Variants in SNAPC3 observed in about 807,000 individuals in gnomAD.
SNAPC3 encodes the protein snRNA-activating protein complex subunit 3.
In SNAPC3, 56 loss-of-function variants were observed where a neutral mutation model predicts 47.7. That is an observed-to-expected ratio of 1.18 (90% CI 0.95 to 1.47). The LOEUF is 1.47. Ranked by LOEUF, SNAPC3 falls within the 40% of genes most tolerant of loss-of-function variation. The probability of loss-of-function intolerance (pLI) is 0.00; values close to 1 mark genes in which losing one functional copy is unlikely to be tolerated. For missense variants in SNAPC3, 665 were observed against 511.3 expected (o/e 1.30, Z -2.90); for synonymous variants, 235 against 189.9 (o/e 1.24, Z -1.95).
intron 5 of SNAPC3, among the ~76,000 whole-genome samples, chr9:15,449,549 ATATATATATATATATTTT>A (rs1464280652): frequency 0.019 from 674 of 35,898 alleles, 5 homozygotes; most frequent in African/African-American, 0.07. Context: ...ATATATATAT[ATATATATATATATATTTT>A]TTTTTTTTTT....
At position 15,453,188 on chromosome 9, in the gene SNAPC3, T is replaced by C. The variant is rs1266746790; in HGVS notation, c.963T>C (p.Ile321=). The C allele has an allele frequency of 3.7e-6, 6 of 1,612,482 alleles. No homozygotes were observed. Among genetic ancestry groups the C allele is most frequent in the Non-Finnish European group, 5.1e-6 (6 of 1,179,198 alleles). The change falls in exon 7 of 9, where the codon ATT becomes ATC. Residue 321 remains isoleucine, a synonymous_variant. Coordinates refer to ENST00000380821, the MANE Select transcript of SNAPC3 (RefSeq NM_001039697.2). ...YCHQGDCEHV[I]VITDIRLVHH... The stretch of plus-strand genomic sequence containing the variant: ...ATCAGGGAGACTGTGAACATGTCAT[T>C]GTCATTACTGACATAAGGTAGGTGA...
chr9:15,430,978 C>T (rs1017355495), intron 2 of SNAPC3, among the ~76,000 whole-genome samples: 15 of 152,164 alleles, frequency 9.9e-5, no homozygotes, highest in African/African-American at 3.6e-4. Context: ...CTTTTAAATA[C>T]TTTTCTTTTG....
intron 5 of SNAPC3, among the ~76,000 whole-genome samples, chr9:15,450,924 A>G (rs1301459813): frequency 1.3e-5 from 2 of 152,368 alleles, no homozygotes; most frequent in South Asian, 2.1e-4. Context: ...TACTGAAAAT[A>G]TAAAGAGAGA....
intron 2 of SNAPC3, 29 bp downstream of exon 2, chr9:15,424,015 T>G (rs759285862): frequency 5.4e-6 from 7 of 1,290,304 alleles, no homozygotes; most frequent in Non-Finnish European, 7.6e-6. Flanking sequence ...TTATGACCTA[T>G]TTATTTAAAC....
At chr9:15,453,309 A>G (rs2034536737) in intron 7 of SNAPC3, 104 bp downstream of exon 7, 2 of 862,098 alleles carry the variant, frequency 2.3e-6, no homozygotes, top group Non-Finnish European at 3.5e-6. Context: ...AAAAGTAATA[A>G]CCATTGCAAC....
rs183265383 is a variant in SNAPC3 at position 15,460,782 on chromosome 9, A to G, written c.*916A>G. The G allele has an allele frequency of 6.6e-6, 1 of 152,376 alleles. No individual in the cohort carries two copies. The highest frequency in any genetic ancestry group is 1.9e-4 in the East Asian group (1 of 5,192). 9.4% of individuals were successfully genotyped at this position (152,376 alleles called of 1,614,324 possible). A position where few individuals can be genotyped will look rare whatever the true frequency, so the allele number is the denominator to read the frequency against. ...GCATACAAGACATGTTAATAAGACT[A>G]TGTGAATAATGAATTTAAAAAGATC... On this transcript the variant is annotated 3_prime_UTR_variant, in exon 9 of 9. Coordinates refer to ENST00000380821, the MANE Select transcript of SNAPC3 (RefSeq NM_001039697.2).
At chr9:15,459,478 T>G (rs1205950007) in intron 8 of SNAPC3, among the ~76,000 whole-genome samples, 1 of 152,212 alleles carries the variant, frequency 6.6e-6, no homozygotes, top group Non-Finnish European at 1.5e-5. Flanking sequence ...TAAGGGTAAG[T>G]ATTACAGAGA....
At chr9:15,452,848 A>G (rs939662074) in intron 6 of SNAPC3, among the ~76,000 whole-genome samples, 193 bp from the exon 7 acceptor site, 1 of 152,190 alleles carries the variant, frequency 6.6e-6, no homozygotes, top group Non-Finnish European at 1.5e-5. Flanking sequence ...CCTGCAGAAA[A>G]CTGATCCCTT....
In SNAPC3 at chr9:15,423,086, C is replaced by T; in HGVS notation, c.207C>T (p.Ser69=). The change falls in exon 1 of 9, where the codon TCC becomes TCT. Residue 69 remains serine (S), a synonymous_variant. Coordinates refer to ENST00000380821, the MANE Select transcript of SNAPC3 (RefSeq NM_001039697.2). ...GDLSLREPPA[S]ALPGSQAADS... is the part of the protein sequence containing the mutation. Reference sequence around the variant, plus strand: ...TGTCGCTGAGGGAGCCGCCGGCATCCGCTCTGCCTGGGAGCCAGGCAGCTG... The same window carrying T: ...TGTCGCTGAGGGAGCCGCCGGCATCTGCTCTGCCTGGGAGCCAGGCAGCTG... The T allele has an allele frequency of 6.5e-7, 1 of 1,528,098 alleles. No homozygotes were observed. 94.7% of individuals were successfully genotyped at this position (1,528,098 alleles called of 1,614,324 possible).
At chr9:15,463,723 G>A (rs2035405532), downstream of SNAPC3, 1 of 152,114 alleles carries the variant, frequency 6.6e-6, no homozygotes, top group Admixed American at 6.6e-5. Context: ...TAAAGAAACA[G>A]CAATTATGCT....
At chr9:15,437,377 C>T (rs546680379) in intron 3 of SNAPC3, among the ~76,000 whole-genome samples, 2 of 152,000 alleles carry the variant, frequency 1.3e-5, no homozygotes, top group African/African-American at 2.4e-5. Flanking sequence ...GGACTACAGG[C>T]GCCCATCACA....
chr9:15,434,208 C>T (rs1385522782), intron 3 of SNAPC3, among the ~76,000 whole-genome samples: 4 of 152,140 alleles, frequency 2.6e-5, no homozygotes, highest in Non-Finnish European at 5.9e-5. Flanking sequence ...GCAATAAGTA[C>T]ATTCACAATG....
chr9:15,439,656 TC>T (rs1347289450), intron 3 of SNAPC3, among the ~76,000 whole-genome samples: 3 of 152,162 alleles, frequency 2.0e-5, no homozygotes, highest in African/African-American at 7.2e-5. Flanking sequence ...TGCCTCAGCC[TC>T]CCGAGTAGCT....
downstream of SNAPC3, chr9:15,465,849 C>G (rs1431935231): frequency 1.2e-5 from 4 of 340,302 alleles, no homozygotes. Context: ...CCCTTTCCAT[C>G]ATTTCTAGCA....
At chr9:15,428,522 A>G (rs1323996543) in intron 2 of SNAPC3, among the ~76,000 whole-genome samples, 1 of 151,686 alleles carries the variant, frequency 6.6e-6, no homozygotes, top group Non-Finnish European at 1.5e-5. Context: ...AAAAAAAAAA[A>G]AGAGAAAGCC....
intron 2 of SNAPC3, chr9:15,431,800 A>G (rs1047658499): frequency 6.6e-6 from 1 of 152,132 alleles, no homozygotes; most frequent in African/African-American, 2.4e-5. Context: ...ACTAAAAAAT[A>G]AGGCTAGTTG....
At chr9:15,453,378 T>A (rs2034541032) in intron 7 of SNAPC3, 173 bp downstream of exon 7, 8 of 523,972 alleles carry the variant, frequency 1.5e-5, no homozygotes, top group Non-Finnish European at 2.7e-5. Context: ...ACTCTTTCCA[T>A]CCATTTGCAT....
At position 15,457,982 on chromosome 9, in the gene SNAPC3, T is replaced by A; in HGVS notation, c.1003T>A (p.Leu335Met). 2 of 1,588,130 alleles carry A rather than the reference T, an allele frequency of 1.3e-6. No homozygotes were observed. Among genetic ancestry groups the A allele is most frequent in the South Asian group, 2.3e-5 (2 of 85,232 alleles). Reference sequence around the variant, plus strand: ...AAGGCTTGTGCATCATGATGACTGCTTGGATAGGACATTGTATCCCCTCCT... The same window carrying A: ...AAGGCTTGTGCATCATGATGACTGCATGGATAGGACATTGTATCCCCTCCT... ...DIRLVHHDDCLDRTLYPLLIK... is the reference protein window; with the variant it reads ...DIRLVHHDDCMDRTLYPLLIK... The change falls in exon 8 of 9, where the codon TTG becomes ATG. Residue 335 changes from leucine (L) to methionine (M), a missense_variant. Coordinates refer to ENST00000380821, the MANE Select transcript of SNAPC3 (RefSeq NM_001039697.2).
intron 3 of SNAPC3, among the ~76,000 whole-genome samples, chr9:15,438,894 T>C (rs1335000596): frequency 2.0e-5 from 3 of 152,254 alleles, no homozygotes; most frequent in Non-Finnish European, 4.4e-5. Context: ...TGTTTCTTTA[T>C]TGATCTTCTA....
Sources: gnomAD v4.1 joint callset for allele counts (sites outside exome capture counted in the v4.1 genomes callset) on GRCh38, gnomAD v4.1.1 for gene constraint, MANE v1.5 for transcripts, NCBI Gene and HGNC (gene_info 2026-07-23, HGNC 2026-07-21) for gene names.